CD4: variants seen among roughly 807,000 people sequenced by gnomAD.
The protein encoded by CD4 is T-cell surface glycoprotein CD4.
In CD4, 25 loss-of-function variants were observed where a neutral mutation model predicts 50.5. The ratio of observed to expected loss-of-function variants is 0.49; its 90% CI spans 0.36 to 0.69. The LOEUF is 0.69. Among genes scored for constraint, CD4 ranks in the 30% least tolerant of loss-of-function variants. The pLI, the probability that CD4 is intolerant of heterozygous loss-of-function variation, is 0.00. For synonymous variants in CD4, 207 were observed against 221.9 expected (o/e 0.93, Z 0.60); for missense variants, 456 against 548.5 (o/e 0.83, Z 1.68).
At chr12:6,817,758 C>G (rs1265088747) in intron 7 of CD4, among the ~76,000 whole-genome samples, 1 of 115,250 alleles carries the variant, frequency 8.7e-6, no homozygotes, top group Non-Finnish European at 1.6e-5. Flanking sequence ...CACTCATACA[C>G]ACACTACACA....
rs3032789 is a variant in CD4 at position 6,808,450 on chromosome 12, CAAAAAAAAAAAAA to C, written c.215-5672_215-5660del. On this transcript the variant is annotated intron_variant, in intron 3 of 9. Transcript: ENST00000011653. ...TGGGTGACAAAGTGAGATTCTGTCT[CAAAAAAAAAAAAA>C]AAAAAAAAAAAAAAAAAAAGTGAAG... Among the ~76,000 whole-genome samples, 272 of 37,802 alleles carry C rather than the reference CAAAAAAAAAAAAA, an allele frequency of 7.2e-3. 2 individuals are homozygous for C. The highest frequency in any genetic ancestry group is 0.042 in the Middle Eastern group (1 of 24). The allele number at this position is 37,802 out of a possible 152,430, so 24.8% of individuals were successfully genotyped here.
chr12:6,819,453 T>C lies in CD4; in HGVS notation c.*124T>C. On this transcript the variant is annotated 3_prime_UTR_variant, in exon 10 of 10. Coordinates refer to ENST00000011653, the MANE Select transcript of CD4 (RefSeq NM_000616.5). ...GGCCTCCTGTTCGCCTCCTCTACAA[T>C]TTGCCATTGTTTCTCCTGGGTTAGG... is the stretch of plus-strand genomic sequence containing the variant. 1 of 895,804 alleles carries C rather than the reference T, an allele frequency of 1.1e-6. No individual in the cohort carries two copies. The allele number at this position is 895,804 out of a possible 1,614,324, so 55.5% of individuals were successfully genotyped here.
At chr12:6,817,799 C>T (rs782202030) in intron 7 of CD4, among the ~76,000 whole-genome samples, 2 of 151,046 alleles carry the variant, frequency 1.3e-5, no homozygotes, top group East Asian at 3.9e-4. Context: ...CACTCTCACC[C>T]CATGTACTCA....
rs1398790322 is a variant in CD4 at position 6,816,352 on chromosome 12, G to A, written c.904G>A (p.Glu302Lys). 2 of 1,614,086 alleles carry A rather than the reference G, an allele frequency of 1.2e-6. No individual in the cohort carries two copies. The highest frequency in any genetic ancestry group is 1.7e-6 in the Non-Finnish European group (2 of 1,180,020). ...CTCTGGAAACCTCACCCTGGCCCTT[G>A]AAGCGAAAACAGGAAAGTTGCATCA... ...AGSGNLTLAL[E>K]AKTGKLHQEV... is the part of the protein sequence containing the mutation. Residue 302 changes from glutamate (E) to lysine (K), a missense_variant, in exon 6 of 10, where the codon GAA becomes AAA. Coordinates refer to ENST00000011653, the MANE Select transcript of CD4 (RefSeq NM_000616.5). This position sits in a 1 kb window ranked among gnomAD's most constrained non-coding sequence, Gnocchi z 4.9.
intron 1 of CD4, among the ~76,000 whole-genome samples, chr12:6,794,406 C>T (rs1309987369): frequency 2.0e-5 from 3 of 149,458 alleles, no homozygotes; most frequent in South Asian, 2.1e-4. Context: ...GAGTCTCGCT[C>T]TGTTGCCCAG....
intron 3 of CD4, among the ~76,000 whole-genome samples, chr12:6,806,703 A>G (rs1281482891): frequency 6.6e-6 from 1 of 152,224 alleles, no homozygotes; most frequent in Non-Finnish European, 1.5e-5. Context: ...AGGGATATGT[A>G]CATTAAAACC....
intron 1 of CD4, among the ~76,000 whole-genome samples, chr12:6,795,854 G>A (rs1942360532): frequency 6.6e-6 from 1 of 152,192 alleles, no homozygotes; most frequent in South Asian, 2.1e-4. Context: ...GCCCCGACTG[G>A]TGCTGGAGGG....
chr12:6,818,392 T>G lies in CD4; in HGVS notation c.1157-29T>G, dbSNP rs1943162545. On this transcript the variant is annotated intron_variant, in intron 7 of 9. Transcript: ENST00000011653. The surrounding 1 kb of genome is among the most constrained non-coding windows in gnomAD (Gnocchi z 5.0). ...TCCCCTGGCCCGTGGAGGAGGGCGG[T>G]GCATTGAGCACATTTCTCTCCCTTG... The G allele has an allele frequency of 5.6e-6, 9 of 1,609,538 alleles. No individual in the cohort carries two copies. Among genetic ancestry groups the G allele is most frequent in the Non-Finnish European group, 7.6e-6 (9 of 1,179,600 alleles).
At chr12:6,810,947 G>A (rs893868289) in intron 3 of CD4, among the ~76,000 whole-genome samples, 2 of 152,104 alleles carry the variant, frequency 1.3e-5, no homozygotes, top group Non-Finnish European at 2.9e-5. Context: ...GCCGTGCTCT[G>A]AGGAAGCTTG....
intron 3 of CD4, among the ~76,000 whole-genome samples, chr12:6,807,553 G>C (rs1555116370): frequency 6.6e-6 from 1 of 152,052 alleles, no homozygotes; most frequent in African/African-American, 2.4e-5. Flanking sequence ...ATTGCCAGGG[G>C]TTAAGGGGCT....
chr12:6,818,682 C>T lies in CD4; in HGVS notation c.1278+140C>T. The T allele has an allele frequency of 8.1e-7, 1 of 1,233,640 alleles. No individual in the cohort carries two copies. The highest frequency in any genetic ancestry group is 1.2e-6 in the Non-Finnish European group (1 of 853,332). 76.4% of individuals were successfully genotyped at this position (1,233,640 alleles called of 1,614,324 possible). A position where few individuals can be genotyped will look rare whatever the true frequency, so the allele number is the denominator to read the frequency against. ...TCCCTTGCTGCCCTGTCCCAGATCC[C>T]ACTCAAGGGAGAGACAGGAAGGAGC... On this transcript the variant is annotated intron_variant, in intron 8 of 9. Transcript: ENST00000011653. The surrounding 1 kb of genome is among the most constrained non-coding windows in gnomAD (Gnocchi z 5.0).
intron 1 of CD4, among the ~76,000 whole-genome samples, chr12:6,791,060 G>T (rs907464369): frequency 6.6e-6 from 1 of 152,150 alleles, no homozygotes; most frequent in Non-Finnish European, 1.5e-5. Flanking sequence ...AGAGACACTC[G>T]GGAGATGATT....
At chr12:6,803,440 C>T (rs1283913091) in intron 3 of CD4, among the ~76,000 whole-genome samples, 4 of 151,974 alleles carry the variant, frequency 2.6e-5, no homozygotes, top group African/African-American at 4.8e-5. Flanking sequence ...TGAGCCACCA[C>T]GCCTGACCAG....
Sources: gnomAD v4.1 joint callset for allele counts (sites outside exome capture counted in the v4.1 genomes callset) on GRCh38, gnomAD v4.1.1 for gene constraint, Gnocchi (gnomAD v3.1) non-coding constraint, MANE v1.5 for transcripts, NCBI Gene and HGNC (gene_info 2026-07-23, HGNC 2026-07-21) for gene names.